The following NFASC variants were observed in gnomAD, a reference collection of about 807,000 sequenced individuals.
The protein encoded by NFASC is neurofascin homolog.
A neutral mutation model predicts 147.5 loss-of-function variants in NFASC; 43 were observed. The ratio of observed to expected loss-of-function variants is 0.29; its 90% CI spans 0.23 to 0.38. The LOEUF (loss-of-function observed/expected upper bound fraction) is 0.38. NFASC is among the 10% of genes least tolerant of loss of function. The pLI is 1.00. For missense variants in NFASC, 1,320 were observed against 1,689.0 expected (o/e 0.78, Z 3.83); for synonymous variants, 622 against 665.5 (o/e 0.93, Z 1.01).
At chr1:204,910,823 G>T (rs959539477) in intron 1 of NFASC, among the ~76,000 whole-genome samples, 1 of 118,680 alleles carries the variant, frequency 8.4e-6, no homozygotes, top group Non-Finnish European at 1.9e-5. Flanking sequence ...AGTTCCAAGA[G>T]ATTTTTTTTT....
chr1:204,997,327 T>G lies in NFASC; in HGVS notation c.2940T>G (p.Thr980=). Residue 980 remains threonine, a synonymous_variant, in exon 25 of 30, where the codon ACT becomes ACG. Coordinates refer to ENST00000339876, the MANE Select transcript of NFASC (RefSeq NM_001005388.3). ...TIATTTTVAT[T]TTTTAAATTT... is the part of the protein sequence containing the mutation. Reference sequence around the variant, plus strand: ...CCACCACCACCACCGTCGCCACAACTACTACAACCACTGCTGCCGCCACCA... The same window carrying G: ...CCACCACCACCACCGTCGCCACAACGACTACAACCACTGCTGCCGCCACCA... 6.3e-7 allele frequency: 1 copy of G among 1,575,972 alleles called. No homozygotes were observed. Among genetic ancestry groups the G allele is most frequent in the African/African-American group, 1.4e-5 (1 of 73,770 alleles).
At chr1:204,860,430 T>G (rs2076556998) in intron 1 of NFASC, among the ~76,000 whole-genome samples, 2 of 152,216 alleles carry the variant, frequency 1.3e-5, no homozygotes. Context: ...CACCCTCACT[T>G]GTCTGCCACC....
intron 1 of NFASC, among the ~76,000 whole-genome samples, chr1:204,831,760 A>G (rs1475711390): frequency 1.3e-5 from 2 of 152,106 alleles, no homozygotes; most frequent in Non-Finnish European, 2.9e-5. Context: ...CCGGTTTCAT[A>G]CTTACTCATT....
intron 17 of NFASC, among the ~76,000 whole-genome samples, chr1:204,978,272 G>A (rs1024642154): frequency 4.6e-5 from 7 of 152,106 alleles, no homozygotes; most frequent in Non-Finnish European, 7.4e-5. Context: ...CTCAGTAGCC[G>A]ATGTCTTTAT....
chr1:204,910,291 C>T (rs1372267764), intron 1 of NFASC, among the ~76,000 whole-genome samples: 1 of 152,002 alleles, frequency 6.6e-6, no homozygotes, highest in Non-Finnish European at 1.5e-5. Flanking sequence ...ATGTCCTATG[C>T]ATGTTTTGTT....
chr1:204,897,065 C>T (rs754404721), intron 1 of NFASC, among the ~76,000 whole-genome samples: 1 of 151,830 alleles, frequency 6.6e-6, no homozygotes, highest in African/African-American at 2.4e-5. Flanking sequence ...CCCTTCCCCC[C>T]GACCCAGACA....
intron 3 of NFASC, chr1:204,945,005 T>C (rs1246185186): frequency 6.6e-6 from 1 of 152,262 alleles, no homozygotes; most frequent in Non-Finnish European, 1.5e-5. Context: ...TGTTTTCAAC[T>C]TTCCTGCAGT....
intron 20 of NFASC, 107 bp downstream of exon 20, chr1:204,980,547 T>A: frequency 2.4e-6 from 2 of 828,556 alleles, no homozygotes; most frequent in Non-Finnish European, 3.9e-6. Flanking sequence ...TGGTTCAGAC[T>A]CTCTGGCTGG....
intron 24 of NFASC, among the ~76,000 whole-genome samples, chr1:204,992,661 A>T (rs2095760610): frequency 6.6e-6 from 1 of 152,062 alleles, no homozygotes; most frequent in Non-Finnish European, 1.5e-5. Context: ...AAGTTTACGT[A>T]AGTCTCTCCC....
intron 3 of NFASC, 68 bp downstream of exon 3, chr1:204,944,474 A>T (rs1195300240): frequency 3.2e-6 from 3 of 924,956 alleles, no homozygotes. Context: ...AGGGGAGGGA[A>T]GGTCAGAGGA....
intron 2 of NFASC, among the ~76,000 whole-genome samples, chr1:204,922,569 A>G (rs2090704158): frequency 6.6e-6 from 1 of 152,204 alleles, no homozygotes; most frequent in Non-Finnish European, 1.5e-5. Context: ...TGGTGAATAA[A>G]CTAAGGCTCT....
chr1:204,853,498 G>T (rs1178835065), intron 1 of NFASC, among the ~76,000 whole-genome samples: 1 of 152,168 alleles, frequency 6.6e-6, no homozygotes, highest in Non-Finnish European at 1.5e-5. Context: ...TTAGTCACTG[G>T]CTCCTGTAGT....
chr1:204,846,224 G>A (rs1393584825), intron 1 of NFASC, among the ~76,000 whole-genome samples: 1 of 151,924 alleles, frequency 6.6e-6, no homozygotes, highest in Admixed American at 6.6e-5. Context: ...GAGGGCCAGG[G>A]AGGGTAAGGA....
At chr1:204,985,914 A>G (rs371643139) in intron 21 of NFASC, 8 of 1,611,694 alleles carry the variant, frequency 5.0e-6, no homozygotes. Flanking sequence ...CCGAAGGCCT[A>G]CTACTGGAGG....
intron 1 of NFASC, among the ~76,000 whole-genome samples, chr1:204,891,162 C>T (rs1032921558): frequency 3.9e-5 from 6 of 152,288 alleles, no homozygotes; most frequent in African/African-American, 1.4e-4. Context: ...AGCAGAACCT[C>T]GGGCAAGGCT....
At chr1:204,883,481 C>A (rs1051893085) in intron 1 of NFASC, among the ~76,000 whole-genome samples, 5 of 152,214 alleles carry the variant, frequency 3.3e-5, no homozygotes, top group African/African-American at 9.6e-5. Flanking sequence ...GTGGCCTGTG[C>A]AGCTGGGGTG....
intron 1 of NFASC, among the ~76,000 whole-genome samples, chr1:204,869,138 G>A (rs2077363554): frequency 1.3e-5 from 2 of 152,198 alleles, no homozygotes; most frequent in South Asian, 4.1e-4. Flanking sequence ...CTAGATGTGG[G>A]GCTGGAGGGA....
Position 204,952,007 on chromosome 1 carries a change from G to T in NFASC, c.110-4G>T. 1 of 1,613,414 alleles carries T rather than the reference G, an allele frequency of 6.2e-7. No individual in the cohort carries two copies. The highest frequency in any genetic ancestry group is 8.5e-7 in the Non-Finnish European group (1 of 1,179,464). ...CTGACCATGCTCCCTGTGCACTGTT[G>T]CAGTGACGCAGCCGCCAACCATCAC... On this transcript the variant is annotated splice_polypyrimidine_tract_variant and splice_region_variant and intron_variant, in intron 4 of 29. Transcript: ENST00000339876.
intron 24 of NFASC, among the ~76,000 whole-genome samples, chr1:204,991,698 C>A (rs988100244): frequency 6.6e-6 from 1 of 152,230 alleles, no homozygotes; most frequent in Admixed American, 6.5e-5. Flanking sequence ...CCCTAGAAGG[C>A]GCGCTGCAGC....
Sources: gnomAD v4.1 joint callset for allele counts (sites outside exome capture counted in the v4.1 genomes callset) on GRCh38, gnomAD v4.1.1 for gene constraint, MANE v1.5 for transcripts, NCBI Gene and HGNC (gene_info 2026-07-23, HGNC 2026-07-21) for gene names.